The following TEC variants were observed in gnomAD, a reference collection of about 807,000 sequenced individuals.
TEC encodes the protein tyrosine-protein kinase Tec.
TEC carries 72 observed loss-of-function variants against 93.0 expected under a neutral mutation model. The observed-to-expected ratio is 0.77, with a 90% confidence interval of 0.64 to 0.94. The LOEUF is 0.94. Among genes scored for constraint, TEC ranks in the 40% least tolerant of loss-of-function variants. TEC has a pLI of 0.00. For synonymous variants in TEC, 249 were observed against 247.7 expected (o/e 1.01, Z -0.05); for missense variants, 630 against 757.9 (o/e 0.83, Z 1.98).
At chr4:48,140,406 G>A (rs985399930) in intron 15 of TEC, among the ~76,000 whole-genome samples, 2 of 152,094 alleles carry the variant, frequency 1.3e-5, no homozygotes, top group Non-Finnish European at 2.9e-5. Context: ...AGTCAAATCT[G>A]CCTATCACAA....
intron 2 of TEC, among the ~76,000 whole-genome samples, chr4:48,186,765 TG>T (rs1260570009): frequency 2.7e-5 from 4 of 145,642 alleles, no homozygotes; most frequent in East Asian, 2.1e-4. Flanking sequence ...GGGAGGGAGG[TG>T]GGGGGTCAGC....
intron 15 of TEC, among the ~76,000 whole-genome samples, chr4:48,140,296 C>T (rs7684953): frequency 1.1e-4 from 17 of 152,192 alleles, no homozygotes; most frequent in African/African-American, 4.1e-4. Flanking sequence ...GCAGGCCAGA[C>T]GTGTCCCAGA....
At chr4:48,222,956 C>T (rs565434689) in intron 2 of TEC, among the ~76,000 whole-genome samples, 94 of 152,168 alleles carry the variant, frequency 6.2e-4, no homozygotes, top group Non-Finnish European at 1.2e-3. Flanking sequence ...ATGTATATAT[C>T]CCATATATAT....
At chr4:48,248,114 T>C (rs751635163) in intron 1 of TEC, among the ~76,000 whole-genome samples, 1 of 152,234 alleles carries the variant, frequency 6.6e-6, no homozygotes, top group Non-Finnish European at 1.5e-5. Flanking sequence ...TCTCTCTGGA[T>C]ATGTCCAACA....
intron 4 of TEC, among the ~76,000 whole-genome samples, chr4:48,171,141 C>T (rs1020495092): frequency 1.2e-4 from 19 of 152,144 alleles, no homozygotes; most frequent in Admixed American, 5.9e-4. Flanking sequence ...TGAGAGCGTG[C>T]TTTTCTTAGA....
intron 2 of TEC, among the ~76,000 whole-genome samples, chr4:48,201,446 A>G (rs73814690): frequency 0.09 from 13,655 of 152,066 alleles, 752 homozygotes; most frequent in East Asian, 0.22. Context: ...GAGAAAAGAG[A>G]CCCCACGAAA....
chr4:48,245,806 C>G (rs1724037320), intron 1 of TEC, among the ~76,000 whole-genome samples: 1 of 152,026 alleles, frequency 6.6e-6, no homozygotes, highest in South Asian at 2.1e-4. Flanking sequence ...AGCTGAAGAG[C>G]TACATTAAAA....
At chr4:48,179,759 T>C (rs62309331) in intron 2 of TEC, among the ~76,000 whole-genome samples, 17,767 of 152,090 alleles carry the variant, frequency 0.12, 1,316 homozygotes, top group East Asian at 0.33. Context: ...GAAATCTCAG[T>C]GAAATGAACA....
At chr4:48,245,065 C>A (rs543416689) in intron 1 of TEC, among the ~76,000 whole-genome samples, 2 of 152,088 alleles carry the variant, frequency 1.3e-5, no homozygotes, top group East Asian at 1.9e-4. Flanking sequence ...GAGGCCGAGG[C>A]GGGAGTATCA....
At chr4:48,212,110 A>AAAAAAAAAAAAAAAAATATAT in intron 2 of TEC, among the ~76,000 whole-genome samples, 4 of 122,246 alleles carry the variant, frequency 3.3e-5, no homozygotes, top group African/African-American at 1.2e-4. Flanking sequence ...AAAAAAAAAA[A>AAAAAAAAAAAAAAAAATATAT]ATATATATAT....
At chr4:48,182,207 C>T (rs187086689) in intron 2 of TEC, among the ~76,000 whole-genome samples, 1 of 151,442 alleles carries the variant, frequency 6.6e-6, no homozygotes, top group Non-Finnish European at 1.5e-5. Flanking sequence ...ATCTCTTGAA[C>T]TCAGGAGGTG....
At chr4:48,151,081 T>C in intron 9 of TEC, 139 bp from the exon 10 acceptor site, 1 of 526,540 alleles carries the variant, frequency 1.9e-6, no homozygotes, top group Admixed American at 3.7e-5. Flanking sequence ...AAGCACAACT[T>C]ACCAGTAGGG....
intron 2 of TEC, among the ~76,000 whole-genome samples, chr4:48,187,257 C>A (rs1318923900): frequency 2.6e-5 from 4 of 152,086 alleles, no homozygotes; most frequent in African/African-American, 4.8e-5. Context: ...GTCATCACCA[C>A]TCCCTAATCT....
chr4:48,256,833 G>T (rs187702379), intron 1 of TEC, among the ~76,000 whole-genome samples: 18 of 152,254 alleles, frequency 1.2e-4, no homozygotes, highest in Non-Finnish European at 1.6e-4. Flanking sequence ...AGGAGTCAGG[G>T]ATGGGGATAG....
At chr4:48,230,587 C>T (rs1171292415) in intron 1 of TEC, among the ~76,000 whole-genome samples, 1 of 152,176 alleles carries the variant, frequency 6.6e-6, no homozygotes, top group Admixed American at 6.5e-5. Flanking sequence ...CCATCACTCC[C>T]ATTGGATCAA....
intron 2 of TEC, among the ~76,000 whole-genome samples, chr4:48,224,136 G>C (rs56840999): frequency 0.025 from 3,805 of 152,178 alleles, 79 homozygotes; most frequent in East Asian, 0.073. Flanking sequence ...GAATGTACAG[G>C]TGGAGTTGGG....
Position 48,167,956 on chromosome 4 carries a change from A to G in TEC, c.496-3T>C. 2 of 1,613,498 alleles carry G rather than the reference A, an allele frequency of 1.2e-6. No homozygotes were observed. Among genetic ancestry groups the G allele is most frequent in the Non-Finnish European group, 1.7e-6 (2 of 1,179,678 alleles). On this transcript the variant is annotated splice_polypyrimidine_tract_variant and splice_region_variant and intron_variant, in intron 6 of 17. Transcript: ENST00000381501. ...GGAATTGGTGGGGGAGGCCTTCGCT[A>G]GACAAGGAAGATAACATTTGAAAGT... is the stretch of plus-strand genomic sequence containing the variant.
intron 1 of TEC, among the ~76,000 whole-genome samples, chr4:48,242,466 C>T (rs1183516656): frequency 6.6e-6 from 1 of 152,166 alleles, no homozygotes; most frequent in African/African-American, 2.4e-5. Flanking sequence ...GTAACAGAAG[C>T]GTCTACTTCA....
At chr4:48,262,279 C>A (rs1266818529) in intron 1 of TEC, among the ~76,000 whole-genome samples, 4 of 137,260 alleles carry the variant, frequency 2.9e-5, no homozygotes, top group Non-Finnish European at 6.1e-5. Flanking sequence ...TAACTGCAAC[C>A]TCTGCTACCT....
Sources: gnomAD v4.1 joint callset for allele counts (sites outside exome capture counted in the v4.1 genomes callset) on GRCh38, gnomAD v4.1.1 for gene constraint, MANE v1.5 for transcripts, NCBI Gene and HGNC (gene_info 2026-07-23, HGNC 2026-07-21) for gene names.